The following PAPOLB variants were observed in gnomAD, a reference collection of about 807,000 sequenced individuals.
PAPOLB encodes PAP-beta.
PAPOLB carries 19 observed loss-of-function variants against 23.2 expected under a neutral mutation model. The ratio of observed to expected loss-of-function variants is 0.82; its 90% confidence interval spans 0.57 to 1.20. PAPOLB has a LOEUF of 1.20. Among genes scored for constraint, PAPOLB ranks in the 50% most tolerant of loss-of-function variants. PAPOLB has a pLI of 0.00. For missense variants in PAPOLB, 822 were observed against 776.8 expected (o/e 1.06, Z -0.69); for synonymous variants, 360 against 290.7 (o/e 1.24, Z -2.43).
chr7:4,861,434 T>C lies in PAPOLB; in HGVS notation c.377A>G (p.Asp126Gly), dbSNP rs1161075941. 6.2e-7 allele frequency: 1 copy of C among 1,614,186 alleles called. No individual in the cohort carries two copies. Among genetic ancestry groups the C allele is most frequent in the Non-Finnish European group, 8.5e-7 (1 of 1,180,018 alleles). The change falls in exon 1 of 1, where the codon GAT (aspartate) becomes GGT (glycine). Residue 126 changes from aspartate (D) to glycine (G), a missense_variant. Around this residue, in one of 3 missense-constraint regions of PAPOLB, gnomAD observed 276 missense variants for 243.9 expected, o/e 1.13. Coordinates refer to ENST00000404991, the MANE Select transcript of PAPOLB (RefSeq NM_020144.5). Reference protein sequence around the residue: ...DALCVAPSHVDRSDFFTSFYA... With the variant: ...DALCVAPSHVGRSDFFTSFYA... ...GAATGAGGTGAAAAAGTCGCTTCGA[T>C]CCACATGACTTGGTGCAACGCACAA...
rs1334769165 is a variant in PAPOLB at position 4,858,777 on chromosome 7, T to C, written c.*1120A>G. On this transcript the variant is annotated 3_prime_UTR_variant, in exon 1 of 1. Transcript: ENST00000404991. Reference sequence around the variant, plus strand: ...TCATCATAACCAATATTTGGTGTTTTGTGCCATGTGGCCACAGGATTGTCA... The same window carrying C: ...TCATCATAACCAATATTTGGTGTTTCGTGCCATGTGGCCACAGGATTGTCA... The C allele has an allele frequency of 6.6e-6, 1 of 152,404 alleles. No individual in the cohort carries two copies. The highest frequency in any genetic ancestry group is 2.4e-5 in the African/African-American group (1 of 41,470). 9.4% of individuals were successfully genotyped at this position (152,404 alleles called of 1,614,324 possible). A position where few individuals can be genotyped will look rare whatever the true frequency, so the allele number is the denominator to read the frequency against.
At position 4,861,844 on chromosome 7, in the gene PAPOLB, C is replaced by CACCACCGCGACCTTCACGTCCCCT. The variant is rs769998915; in HGVS notation, c.-35_-34insAGGGGACGTGAAGGTCGCGGTGGT. On this transcript the variant is annotated 5_prime_UTR_variant, in exon 1 of 1. Transcript: ENST00000404991. ...GCCCGCCCCGCCAGGGCACGTCCCCCACCACCGCGACCTTCGCGGCCGCCG... is the reference window on the plus strand; with the variant it reads ...GCCCGCCCCGCCAGGGCACGTCCCCCACCACCGCGACCTTCACGTCCCCTACCACCGCGACCTTCGCGGCCGCCG... 39 of 1,394,992 alleles carry CACCACCGCGACCTTCACGTCCCCT rather than the reference C, an allele frequency of 2.8e-5. 1 individual carries two copies. In the African/African-American group the frequency reaches 5.0e-4, roughly 18 times the overall value. The allele number at this position is 1,394,992 out of a possible 1,614,324, so 86.4% of individuals were successfully genotyped here.
Position 4,861,366 on chromosome 7 carries a change from C to G in PAPOLB, c.445G>C (p.Ala149Pro). 6.2e-7 allele frequency: 1 copy of G among 1,614,164 alleles called. No homozygotes were observed. Among genetic ancestry groups the G allele is most frequent in the Non-Finnish European group, 8.5e-7 (1 of 1,179,978 alleles). The change falls in exon 1 of 1, where the codon GCT (alanine) becomes CCT (proline). Residue 149 changes from alanine to proline, a missense_variant. Physicochemically the swap from Ala to Pro is conservative, Grantham distance 27 (BLOSUM62 -1). Coordinates refer to ENST00000404991, the MANE Select transcript of PAPOLB (RefSeq NM_020144.5). ...ACTGGCACAAATGCCTCCTCGACAG[C>G]CCTTAAATCTTTCACTTCCTCCTGT... ...KLQEEVKDLR[A>P]VEEAFVPVIK... is the part of the protein sequence containing the mutation.
rs77934742 is a variant in PAPOLB, at chr7:4,861,697, G to A, written c.114C>T (p.Leu38=). ...SLAVPKETDC[L]LTQRLIETLR... is the part of the protein sequence containing the mutation. Reference sequence around the variant, plus strand: ...GGGTTTCTATTAGCCTCTGGGTGAGGAGGCAGTCCGTCTCCTTGGGGACCG... The same window carrying A: ...GGGTTTCTATTAGCCTCTGGGTGAGAAGGCAGTCCGTCTCCTTGGGGACCG... The change falls in exon 1 of 1, where the codon CTC becomes CTT. Residue 38 remains leucine (L), a synonymous_variant. Transcript: ENST00000404991. The A allele has an allele frequency of 7.7e-4, 1,210 of 1,578,212 alleles. 7 individuals are homozygous for A. The African/African-American group carries it at 0.015, about 20-fold the overall frequency.
Position 4,861,438 on chromosome 7 carries a change from C to T in PAPOLB, c.373G>A (p.Val125Met), listed in dbSNP as rs1405738672. 2.5e-6 allele frequency: 4 copies of T among 1,614,052 alleles called. No individual in the cohort carries two copies. Among genetic ancestry groups the T allele is most frequent in the Non-Finnish European group, 3.4e-6 (4 of 1,180,018 alleles). Residue 125 changes from valine to methionine, a missense_variant, in exon 1 of 1, where the codon GTG becomes ATG. Val to Met is a conservative substitution (Grantham distance 21). Transcript: ENST00000404991. The stretch of plus-strand genomic sequence containing the variant: ...GAGGTGAAAAAGTCGCTTCGATCCA[C>T]ATGACTTGGTGCAACGCACAAGGCG... The part of the protein sequence containing the change: ...IDALCVAPSH[V>M]DRSDFFTSFY...
chr7:4,861,839 T>TCCCCCACCACCGCGACCTTCACGA lies in PAPOLB; in HGVS notation c.-30_-29insTCGTGAAGGTCGCGGTGGTGGGGG. The TCCCCCACCACCGCGACCTTCACGA allele has an allele frequency of 7.2e-7, 1 of 1,396,122 alleles. No individual in the cohort carries two copies. Among genetic ancestry groups the TCCCCCACCACCGCGACCTTCACGA allele is most frequent in the Non-Finnish European group, 9.3e-7 (1 of 1,071,956 alleles). 86.5% of individuals were successfully genotyped at this position (1,396,122 alleles called of 1,614,324 possible). A position where few individuals can be genotyped will look rare whatever the true frequency, so the allele number is the denominator to read the frequency against. On this transcript the variant is annotated 5_prime_UTR_variant, in exon 1 of 1. Transcript: ENST00000404991. ...TCAGCGCCCGCCCCGCCAGGGCACG[T>TCCCCCACCACCGCGACCTTCACGA]CCCCCACCACCGCGACCTTCGCGGC...
rs113586975 is a variant in PAPOLB at position 4,858,669 on chromosome 7, T to G, written c.*1228A>C. On this transcript the variant is annotated 3_prime_UTR_variant, in exon 1 of 1. Coordinates refer to ENST00000404991, the MANE Select transcript of PAPOLB (RefSeq NM_020144.5). ...TGTGGAATGAACAAAACTTCTCATA[T>G]GCAGTGATCAAATGGTCATCCAAGA... The G allele has an allele frequency of 2.0e-5, 3 of 152,762 alleles. No homozygotes were observed. The highest frequency in any genetic ancestry group is 7.2e-5 in the African/African-American group (3 of 41,596). 9.5% of individuals were successfully genotyped at this position (152,762 alleles called of 1,614,324 possible).
Position 4,861,905 on chromosome 7 carries a change from C to T in PAPOLB, c.-95G>A, listed in dbSNP as rs886405280. 2 of 758,244 alleles carry T rather than the reference C, an allele frequency of 2.6e-6. No homozygotes were observed. The highest frequency in any genetic ancestry group is 3.8e-6 in the Non-Finnish European group (2 of 526,302). 47.0% of individuals were successfully genotyped at this position (758,244 alleles called of 1,614,324 possible). On this transcript the variant is annotated 5_prime_UTR_variant, in exon 1 of 1. Transcript: ENST00000404991. ...GATCCGCTGAGGCGGAAGGGCAGGG[C>T]TTCTAGCTGCCCTGGTCCGACCCCA...
chr7:4,859,739 A>G lies in PAPOLB; in HGVS notation c.*158T>C. On this transcript the variant is annotated 3_prime_UTR_variant, in exon 1 of 1. Transcript: ENST00000404991. ...TGCAGGGAGAACAGGGATACCGGAA[A>G]GATCTATACTGATGTTCCCTGAGAG... 1 of 589,956 alleles carries G rather than the reference A, an allele frequency of 1.7e-6. No individual in the cohort carries two copies. 36.5% of individuals were successfully genotyped at this position (589,956 alleles called of 1,614,324 possible). A position where few individuals can be genotyped will look rare whatever the true frequency, so the allele number is the denominator to read the frequency against.
Position 4,859,865 on chromosome 7 carries a change from T to C in PAPOLB, c.*32A>G. 4 of 1,451,368 alleles carry C rather than the reference T, an allele frequency of 2.8e-6. No individual in the cohort carries two copies. Among genetic ancestry groups the C allele is most frequent in the Non-Finnish European group, 3.8e-6 (4 of 1,054,260 alleles). 89.9% of individuals were successfully genotyped at this position (1,451,368 alleles called of 1,614,324 possible). A position where few individuals can be genotyped will look rare whatever the true frequency, so the allele number is the denominator to read the frequency against. On this transcript the variant is annotated 3_prime_UTR_variant, in exon 1 of 1. Coordinates refer to ENST00000404991, the MANE Select transcript of PAPOLB (RefSeq NM_020144.5). Reference sequence around the variant, plus strand: ...TTTTGGTTTTCTTGGTCCTTTCTTCTTTATGAGGCAAGAATATCCTCTAGA... The same window carrying C: ...TTTTGGTTTTCTTGGTCCTTTCTTCCTTATGAGGCAAGAATATCCTCTAGA...
chr7:4,861,577 G>A lies in PAPOLB; in HGVS notation c.234C>T (p.Arg78=), dbSNP rs772110458. The A allele has an allele frequency of 4.3e-6, 7 of 1,613,572 alleles. No homozygotes were observed. Among genetic ancestry groups the A allele is most frequent in the South Asian group, 2.2e-5 (2 of 91,018 alleles). ...GAAGACTCTTGCTTTCACTGATTTC[G>A]CGTATCCATTCCTTTACCAGATTAT... ...KLNNLVKEWI[R]EISESKSLPQ... is the part of the protein sequence containing the mutation. Residue 78 remains arginine, a synonymous_variant, in exon 1 of 1, where the codon CGC becomes CGT. Transcript: ENST00000404991.
Position 4,861,196 on chromosome 7 carries a change from G to A in PAPOLB, c.615C>T (p.Cys205=), listed in dbSNP as rs1160831612. The A allele has an allele frequency of 3.5e-5, 56 of 1,614,086 alleles. No homozygotes were observed. Among genetic ancestry groups the A allele is most frequent in the Non-Finnish European group, 4.5e-5 (53 of 1,180,032 alleles). The change falls in exon 1 of 1, where the codon TGC becomes TGT. Residue 205 remains cysteine, a synonymous_variant. Transcript: ENST00000404991. ...DIRCIRSLNG[C]RVTDEILHLV... ...GATGTAAAATTTCATCGGTTACCCG[G>A]CAACCATTAAGGCTTCTTATGCATC...
chr7:4,861,688 C>T lies in PAPOLB; in HGVS notation c.123G>A (p.Gln41=). The T allele has an allele frequency of 6.3e-6, 10 of 1,586,638 alleles. No homozygotes were observed. The highest frequency in any genetic ancestry group is 8.6e-6 in the Non-Finnish European group (10 of 1,167,724). The change falls in exon 1 of 1, where the codon CAG becomes CAA. Residue 41 remains glutamine, a synonymous_variant. Coordinates refer to ENST00000404991, the MANE Select transcript of PAPOLB (RefSeq NM_020144.5). ...AGGGCCTGAGGGTTTCTATTAGCCT[C>T]TGGGTGAGGAGGCAGTCCGTCTCCT... The part of the protein sequence containing the change: ...VPKETDCLLT[Q]RLIETLRPFG...
Position 4,860,131 on chromosome 7 carries a change from C to A in PAPOLB, c.1680G>T (p.Leu560Phe), listed in dbSNP as rs747545626. ...SSSQGRNSPALAVMTASVANI... is the reference protein window; with the variant it reads ...SSSQGRNSPAFAVMTASVANI... The stretch of plus-strand genomic sequence containing the variant: ...TAGCCACAGATGCTGTCATTACAGC[C>A]AAGGCAGGACTGTTTCTACCCTGAG... The change falls in exon 1 of 1, where the codon TTG (leucine) becomes TTT (phenylalanine). Residue 560 changes from leucine to phenylalanine, a missense_variant. Physicochemically the swap from Leu to Phe is conservative, Grantham distance 22. Transcript: ENST00000404991. 3.0e-5 allele frequency: 48 copies of A among 1,613,826 alleles called. 1 individual carries two copies. In the Admixed American group the frequency reaches 7.8e-4, roughly 26 times the overall value.
At position 4,860,178 on chromosome 7, in the gene PAPOLB, T is replaced by G. The variant is rs1240060072; in HGVS notation, c.1633A>C (p.Thr545Pro). 1.2e-6 allele frequency: 2 copies of G among 1,614,020 alleles called. No individual in the cohort carries two copies. Among genetic ancestry groups the G allele is most frequent in the Non-Finnish European group, 1.7e-6 (2 of 1,179,884 alleles). The change falls in exon 1 of 1, where the codon ACA becomes CCA. Residue 545 changes from threonine (T) to proline (P), a missense_variant. By Grantham distance (38) the Thr-to-Pro change is conservative. This residue lies in a region of PAPOLB where 534 missense variants were observed against 502.8 expected (regional missense o/e 1.06). Coordinates refer to ENST00000404991, the MANE Select transcript of PAPOLB (RefSeq NM_020144.5). ...TGAGAACTGCTAATCAATGGGCCTG[T>G]CTTCATAGTGCTAGTAGATGAAGGC... Reference protein sequence around the residue: ...SVPSSTSTMKTGPLISSSQGR... With the variant: ...SVPSSTSTMKPGPLISSSQGR...
Position 4,859,702 on chromosome 7 carries a change from A to C in PAPOLB, c.*195T>G. ...CCTGTTTTACTGAATTCTTGATAAC[A>C]GGAATTGGATTTGCAGGGAGAACAG... On this transcript the variant is annotated 3_prime_UTR_variant, in exon 1 of 1. Transcript: ENST00000404991. 1 of 585,072 alleles carries C rather than the reference A, an allele frequency of 1.7e-6. No individual in the cohort carries two copies. The highest frequency in any genetic ancestry group is 3.0e-6 in the Non-Finnish European group (1 of 330,072). The allele number at this position is 585,072 out of a possible 1,614,324, so 36.2% of individuals were successfully genotyped here. A position where few individuals can be genotyped will look rare whatever the true frequency, so the allele number is the denominator to read the frequency against.
At position 4,858,354 on chromosome 7, in the gene PAPOLB, T is replaced by A. The variant is rs530984179; in HGVS notation, c.*1543A>T. 6.6e-5 allele frequency: 10 copies of A among 152,358 alleles called. No homozygotes were observed. The South Asian group carries it at 2.1e-3, about 32-fold the overall frequency. 9.4% of individuals were successfully genotyped at this position (152,358 alleles called of 1,614,324 possible). ...TAGATTAAGAAAGACTCAACTTTCA[T>A]TCATTCACATCTGTTGCCCCTCACA... On this transcript the variant is annotated 3_prime_UTR_variant, in exon 1 of 1. Coordinates refer to ENST00000404991, the MANE Select transcript of PAPOLB (RefSeq NM_020144.5).
At position 4,859,607 on chromosome 7, in the gene PAPOLB, T is replaced by C. The variant is rs1476721127; in HGVS notation, c.*290A>G. On this transcript the variant is annotated 3_prime_UTR_variant, in exon 1 of 1. Coordinates refer to ENST00000404991, the MANE Select transcript of PAPOLB (RefSeq NM_020144.5). ...CGTACCCCTCATTCTCCTTCCTTAG[T>C]ATTTGAAGACAACAGGTTCAGTTGG... 1 of 366,756 alleles carries C rather than the reference T, an allele frequency of 2.7e-6. No homozygotes were observed. Among genetic ancestry groups the C allele is most frequent in the East Asian group, 5.5e-5 (1 of 18,116 alleles). 22.7% of individuals were successfully genotyped at this position (366,756 alleles called of 1,614,324 possible). A position where few individuals can be genotyped will look rare whatever the true frequency, so the allele number is the denominator to read the frequency against.
rs1003701663 is a variant in PAPOLB, at chr7:4,858,883, A to G, written c.*1014T>C. 6.6e-6 allele frequency: 1 copy of G among 152,220 alleles called. No individual in the cohort carries two copies. Among genetic ancestry groups the G allele is most frequent in the East Asian group, 1.9e-4 (1 of 5,200 alleles). The allele number at this position is 152,220 out of a possible 1,614,324, so 9.4% of individuals were successfully genotyped here. ...AAGCATACTGTGTGCATACAGGCAA[A>G]GAGAAGAGAGGGAGGCAAAAAGCTT... On this transcript the variant is annotated 3_prime_UTR_variant, in exon 1 of 1. Coordinates refer to ENST00000404991, the MANE Select transcript of PAPOLB (RefSeq NM_020144.5).
Sources: allele counts gnomAD v4.1 joint callset, GRCh38; gene constraint gnomAD v4.1.1; regional missense constraint gnomAD v4.1.1; transcripts MANE v1.5; gene names NCBI Gene and HGNC (gene_info 2026-07-23, HGNC 2026-07-21).